The following PIGN variants were observed in gnomAD, a reference collection of about 807,000 sequenced individuals.
The protein encoded by PIGN is phosphatidylinositol glycan anchor biosynthesis class N.
A neutral mutation model predicts 125.4 loss-of-function variants in PIGN; 117 were observed. That is an observed-to-expected ratio of 0.93 (90% confidence interval 0.80 to 1.09). The LOEUF is 1.09. PIGN is among the 50% of genes least tolerant of loss of function. The probability of loss-of-function intolerance (pLI) is 0.00; values close to 1 mark genes in which losing one functional copy is unlikely to be tolerated. For missense variants in PIGN, 1,075 were observed against 1,094.9 expected (o/e 0.98, Z 0.26); for synonymous variants, 392 against 377.8 (o/e 1.04, Z -0.44).
intron 1 of PIGN, among the ~76,000 whole-genome samples, chr18:62,167,495 G>A (rs2037188373): frequency 6.6e-6 from 1 of 151,734 alleles, no homozygotes; most frequent in East Asian, 1.9e-4. Context: ...AGCCAGGTGT[G>A]GTGGTGCACA....
chr18:62,116,484 T>C (rs2035091549), intron 14 of PIGN, among the ~76,000 whole-genome samples: 1 of 152,188 alleles, frequency 6.6e-6, no homozygotes, highest in African/African-American at 2.4e-5. Flanking sequence ...CTCAGCTGCA[T>C]AATGGTGAAA....
chr18:62,176,377 TC>T (rs1380896755), intron 1 of PIGN, among the ~76,000 whole-genome samples: 1 of 152,024 alleles, frequency 6.6e-6, no homozygotes, highest in Non-Finnish European at 1.5e-5. Flanking sequence ...AATGCTAAAA[TC>T]AATGGATCAA....
In PIGN at chr18:62,157,794, T is replaced by G; in HGVS notation, c.236A>C (p.His79Pro). The change falls in exon 5 of 31, where the codon CAT becomes CCT. Residue 79 changes from histidine to proline, a missense_variant. Around this residue, in one of 3 missense-constraint regions of PIGN, gnomAD observed 152 missense variants for 162.9 expected, o/e 0.93. Transcript: ENST00000640252. ...ATGAGATATGCCCCAGCTGCCTTCATGCATTATGATATTCCTAAAAGATAT... is the reference window on the plus strand; with the variant it reads ...ATGAGATATGCCCCAGCTGCCTTCAGGCATTATGATATTCCTAAAAGATAT... Reference protein sequence around the residue: ...RAPFIRNIIMHEGSWGISHTR... With the variant: ...RAPFIRNIIMPEGSWGISHTR... 1 of 1,611,110 alleles carries G rather than the reference T, an allele frequency of 6.2e-7. No homozygotes were observed. The highest frequency in any genetic ancestry group is 8.5e-7 in the Non-Finnish European group (1 of 1,178,232).
chr18:62,125,099 T>C (rs759648936), intron 14 of PIGN, among the ~76,000 whole-genome samples: 6 of 143,676 alleles, frequency 4.2e-5, no homozygotes, highest in Non-Finnish European at 6.0e-5. Context: ...CATGTATATA[T>C]ACACGTTTGT....
At chr18:62,026,539 C>G (rs557001067) in intron 23 of PIGN, among the ~76,000 whole-genome samples, 105 of 152,302 alleles carry the variant, frequency 6.9e-4, no homozygotes, top group Middle Eastern at 6.8e-3. Flanking sequence ...TAAATAGCAG[C>G]CTACAGGCCT....
chr18:62,077,425 T>C (rs78386975), intron 28 of PIGN, among the ~76,000 whole-genome samples: 1 of 152,126 alleles, frequency 6.6e-6, no homozygotes. Context: ...TTTACATACC[T>C]TTTTTAAAAA....
At chr18:62,180,373 C>T (rs1203915593) in intron 1 of PIGN, among the ~76,000 whole-genome samples, 1 of 152,108 alleles carries the variant, frequency 6.6e-6, no homozygotes, top group African/African-American at 2.4e-5. Flanking sequence ...AGATTGAAAG[C>T]CACCTCTATA....
chr18:62,166,946 T>C lies in PIGN; in HGVS notation c.-235-3290A>G, dbSNP rs1026986890. ...GGAGAGCATTAGGGCAAATACCTAA[T>C]GCATGCAGGTTTTAAAACCTAGATG... On this transcript the variant is annotated intron_variant, in intron 1 of 30. Transcript: ENST00000640252. Among the ~76,000 whole-genome samples the C allele has an allele frequency of 2.0e-5, 3 of 152,200 alleles. No individual in the cohort carries two copies. In the East Asian group the frequency reaches 5.8e-4, roughly 29 times the overall value.
intron 15 of PIGN, among the ~76,000 whole-genome samples, chr18:62,113,790 G>A (rs1352920191): frequency 6.6e-6 from 1 of 151,990 alleles, no homozygotes; most frequent in Admixed American, 6.6e-5. Context: ...GCACGGATTG[G>A]CAATTATTTA....
At chr18:62,119,571 C>T (rs1173766879) in intron 14 of PIGN, among the ~76,000 whole-genome samples, 3 of 151,752 alleles carry the variant, frequency 2.0e-5, no homozygotes, top group South Asian at 2.1e-4. Context: ...GGGCTGGGTG[C>T]GATGGCTCAC....
intron 23 of PIGN, among the ~76,000 whole-genome samples, chr18:62,031,454 A>C (rs1370885712): frequency 1.3e-5 from 2 of 152,230 alleles, no homozygotes; most frequent in African/African-American, 4.8e-5. Context: ...CCTTGGAATA[A>C]AAAGTAGGGA....
chr18:62,117,075 G>C (rs752215562), intron 14 of PIGN, among the ~76,000 whole-genome samples: 3 of 152,022 alleles, frequency 2.0e-5, no homozygotes, highest in Non-Finnish European at 2.9e-5. Context: ...TATAAAACTT[G>C]GGACATGCCA....
intron 1 of PIGN, among the ~76,000 whole-genome samples, chr18:62,179,689 G>T (rs2037649565): frequency 6.6e-6 from 1 of 152,200 alleles, no homozygotes; most frequent in Non-Finnish European, 1.5e-5. Context: ...GAGGCTGCCA[G>T]TGAGCTGAGA....
At chr18:62,101,211 A>C in intron 21 of PIGN, 28 bp from the exon 22 acceptor site, 1 of 1,309,786 alleles carries the variant, frequency 7.6e-7, no homozygotes, top group Non-Finnish European at 1.1e-6. Flanking sequence ...ATAGGTTAAA[A>C]AAAGAGAAGG....
Position 62,048,153 on chromosome 18 carries a change from C to G in PIGN, c.2673-2174G>C, listed in dbSNP as rs551354988. Among the ~76,000 whole-genome samples, 4 of 152,062 alleles carry G rather than the reference C, an allele frequency of 2.6e-5. No homozygotes were observed. The East Asian group carries it at 7.8e-4, about 29-fold the overall frequency. On this transcript the variant is annotated intron_variant, in intron 30 of 30. Coordinates refer to ENST00000640252, the MANE Select transcript of PIGN (RefSeq NM_176787.5). ...GGATAAAACAACAGAATTTACCCAG[C>G]CTGAAAAACAAAAATAGATGTTAAA...
intron 30 of PIGN, among the ~76,000 whole-genome samples, chr18:62,064,470 G>A (rs148397378): frequency 1.3e-5 from 2 of 152,300 alleles, no homozygotes; most frequent in African/African-American, 2.4e-5. Flanking sequence ...TATGTATGGT[G>A]AGTGTTCAAT....
At chr18:62,028,851 T>G (rs1461645831) in intron 23 of PIGN, among the ~76,000 whole-genome samples, 1 of 152,254 alleles carries the variant, frequency 6.6e-6, no homozygotes. Context: ...TTTTCACTGA[T>G]AGCAACACTG....
chr18:62,105,340 A>G, intron 20 of PIGN: 1 of 340,740 alleles, frequency 2.9e-6, no homozygotes, highest in East Asian at 4.6e-5. Flanking sequence ...TCATTATGAA[A>G]GCCCGAAAGC....
chr18:62,084,438 T>A, intron 27 of PIGN, 93 bp downstream of exon 27: 1 of 764,502 alleles, frequency 1.3e-6, no homozygotes, highest in Non-Finnish European at 2.1e-6. Context: ...TGAAAGGATA[T>A]CTTCTTTCCA....
Sources: gnomAD v4.1 joint callset for allele counts (sites outside exome capture counted in the v4.1 genomes callset) on GRCh38, gnomAD v4.1.1 for gene constraint, gnomAD v4.1.1 regional missense constraint, MANE v1.5 for transcripts, NCBI Gene and HGNC (gene_info 2026-07-23, HGNC 2026-07-21) for gene names.